Variants in FRMD4A observed in about 807,000 individuals in gnomAD.
The protein encoded by FRMD4A is FERM domain-containing protein 4A.
FRMD4A carries 29 observed loss-of-function variants against 129.1 expected under a neutral mutation model. The observed-to-expected ratio is 0.22, with a 90% confidence interval of 0.17 to 0.31. FRMD4A has a LOEUF of 0.31. Among genes scored for constraint, FRMD4A ranks in the 10% least tolerant of loss-of-function variants. FRMD4A has a pLI of 1.00. For missense variants in FRMD4A, 1,272 were observed against 1,375.8 expected (o/e 0.92, Z 1.19); for synonymous variants, 634 against 571.6 (o/e 1.11, Z -1.56).
At chr10:13,945,335 T>G (rs1294872124) in intron 2 of FRMD4A, among the ~76,000 whole-genome samples, 1 of 152,168 alleles carries the variant, frequency 6.6e-6, no homozygotes, top group Non-Finnish European at 1.5e-5. Context: ...GGTTTTGTCA[T>G]GTGATTTTTT....
intron 2 of FRMD4A, among the ~76,000 whole-genome samples, chr10:14,106,259 T>C (rs1419977484): frequency 6.6e-6 from 1 of 152,238 alleles, no homozygotes; most frequent in Non-Finnish European, 1.5e-5. Context: ...TGGGATCAAA[T>C]TGTCTGACCC....
In FRMD4A at chr10:14,120,735, A is replaced by G. The variant is rs190480372; in HGVS notation, c.45+209323T>C. Among the ~76,000 whole-genome samples the G allele has an allele frequency of 1.2e-4, 18 of 152,218 alleles. No homozygotes were observed. In the East Asian group the frequency reaches 3.3e-3, roughly 28 times the overall value. On this transcript the variant is annotated intron_variant, in intron 2 of 24. Transcript: ENST00000357447. ...GAGCAGAGCCCTCCCTGCTGCTTTGATTTTACGTGAGTGAGAAATAAACAT... is the reference window on the plus strand; with the variant it reads ...GAGCAGAGCCCTCCCTGCTGCTTTGGTTTTACGTGAGTGAGAAATAAACAT...
intron 2 of FRMD4A, among the ~76,000 whole-genome samples, chr10:14,222,450 C>T (rs1206294334): frequency 6.6e-6 from 1 of 152,100 alleles, no homozygotes; most frequent in Non-Finnish European, 1.5e-5. Flanking sequence ...TCAGAATCAT[C>T]TTTGGAGAGC....
At chr10:13,683,009 C>A (rs943974881) in intron 15 of FRMD4A, among the ~76,000 whole-genome samples, 7 of 152,110 alleles carry the variant, frequency 4.6e-5, no homozygotes, top group Non-Finnish European at 1.0e-4. Flanking sequence ...CGTGATAGTG[C>A]AAGCATCAAA....
intron 2 of FRMD4A, among the ~76,000 whole-genome samples, chr10:14,229,569 C>T (rs1843565868): frequency 6.6e-6 from 1 of 152,088 alleles, no homozygotes; most frequent in Non-Finnish European, 1.5e-5. Context: ...TCCCGAGTAG[C>T]TGGGACTACA....
rs556801152 is a variant in FRMD4A at position 14,202,078 on chromosome 10, C to A, written c.45+127980G>T. 2.6e-5 allele frequency among the ~76,000 whole-genome samples: 4 copies of A among 151,732 alleles called. No homozygotes were observed. The East Asian group carries it at 7.8e-4, about 29-fold the overall frequency. On this transcript the variant is annotated intron_variant, in intron 2 of 24. Transcript: ENST00000357447. ...GCTTGAACCCGGGAGGGGGAGGTTG[C>A]AGTGAGCTGAGATCGTGCCATTGTA...
Position 13,839,437 on chromosome 10 carries a change from C to T in FRMD4A, c.111+19410G>A, listed in dbSNP as rs1288835398. Among the ~76,000 whole-genome samples the T allele has an allele frequency of 4.6e-5, 7 of 152,276 alleles. No individual in the cohort carries two copies. In the East Asian group the frequency reaches 1.3e-3, roughly 29 times the overall value. ...TGATCCTCCTCTGTGGTCATCTCTG[C>T]CAACAGGATTCCTGCCATAAAACGT... On this transcript the variant is annotated intron_variant, in intron 3 of 24. Transcript: ENST00000357447.
At chr10:13,848,031 T>A (rs2094078862) in intron 3 of FRMD4A, among the ~76,000 whole-genome samples, 1 of 152,208 alleles carries the variant, frequency 6.6e-6, no homozygotes, top group Admixed American at 6.5e-5. Flanking sequence ...GCCTTTCCCC[T>A]GTAAATACAG....
At chr10:13,943,424 T>C (rs2095307908) in intron 2 of FRMD4A, among the ~76,000 whole-genome samples, 1 of 151,826 alleles carries the variant, frequency 6.6e-6, no homozygotes, top group South Asian at 2.1e-4. Flanking sequence ...CTGAGGTGGA[T>C]GGATCACAAG....
chr10:13,837,037 A>G (rs570176672), intron 3 of FRMD4A, among the ~76,000 whole-genome samples: 6 of 144,326 alleles, frequency 4.2e-5, no homozygotes, highest in African/African-American at 1.3e-4. Context: ...GATTACAGGC[A>G]TGAGCCACCG....
intron 2 of FRMD4A, among the ~76,000 whole-genome samples, chr10:14,085,879 C>G (rs1393932494): frequency 2.0e-5 from 3 of 152,148 alleles, no homozygotes; most frequent in Non-Finnish European, 4.4e-5. Context: ...CACCTTTTTT[C>G]TGGACTGCGG....
At chr10:13,913,194 AT>A (rs2094962121) in intron 2 of FRMD4A, among the ~76,000 whole-genome samples, 1 of 152,170 alleles carries the variant, frequency 6.6e-6, no homozygotes, top group Admixed American at 6.5e-5. Context: ...AAGACCACAT[AT>A]TGTCTGAGTC....
intron 2 of FRMD4A, among the ~76,000 whole-genome samples, chr10:14,302,877 G>A (rs1313574221): frequency 6.6e-6 from 1 of 152,138 alleles, no homozygotes; most frequent in Non-Finnish European, 1.5e-5. Context: ...CTATATCAAG[G>A]CAGAGGTCCA....
At chr10:13,984,107 TGACCAC>T (rs1312377803) in intron 2 of FRMD4A, among the ~76,000 whole-genome samples, 1 of 152,062 alleles carries the variant, frequency 6.6e-6, no homozygotes, top group Non-Finnish European at 1.5e-5. Context: ...TTCCTGAGTC[TGACCAC>T]GGTGAAGTGG....
chr10:13,654,741 C>T, intron 22 of FRMD4A: 1 of 567,782 alleles, frequency 1.8e-6, no homozygotes, highest in Non-Finnish European at 3.1e-6. Flanking sequence ...CCATTTTCTA[C>T]CCACTACCAT....
chr10:14,270,989 G>A (rs560296892), intron 2 of FRMD4A, among the ~76,000 whole-genome samples: 2 of 152,320 alleles, frequency 1.3e-5, no homozygotes, highest in Admixed American at 6.5e-5. Context: ...TGTAACAGCG[G>A]CATCTGCTTC....
chr10:13,892,192 C>G (rs1383537207), intron 2 of FRMD4A, among the ~76,000 whole-genome samples: 1 of 152,100 alleles, frequency 6.6e-6, no homozygotes, highest in Non-Finnish European at 1.5e-5. Flanking sequence ...GCGGGGGACC[C>G]CTGGCTCCCC....
At position 13,788,447 on chromosome 10, in the gene FRMD4A, A is replaced by G. The variant is rs143240275; in HGVS notation, c.300-5441T>C. Among the ~76,000 whole-genome samples the G allele has an allele frequency of 3.3e-3, 498 of 152,290 alleles. 2 individuals carry two copies. Among genetic ancestry groups the G allele is most frequent in the African/African-American group, 0.011 (442 of 41,554 alleles). ...TTCCCGGCTCCCCAATGCCTCCCAC[A>G]TGGCCCTGCGTGGCATGGTGTGGCC... On this transcript the variant is annotated intron_variant, in intron 5 of 24. Transcript: ENST00000357447.
chr10:13,886,479 T>A (rs1881590), intron 2 of FRMD4A, among the ~76,000 whole-genome samples: 5 of 152,242 alleles, frequency 3.3e-5, no homozygotes, highest in African/African-American at 1.2e-4. Flanking sequence ...AGAGGGGCCA[T>A]ACCACAGCAC....
Sources: gnomAD v4.1 joint callset for allele counts (sites outside exome capture counted in the v4.1 genomes callset) on GRCh38, gnomAD v4.1.1 for gene constraint, MANE v1.5 for transcripts, NCBI Gene and HGNC (gene_info 2026-07-23, HGNC 2026-07-21) for gene names.